The following DGKI variants were observed in gnomAD, a reference collection of about 807,000 sequenced individuals.
DGKI encodes diacylglycerol kinase iota, also known as DAG kinase iota.
In DGKI, 55 loss-of-function variants were observed where a neutral mutation model predicts 147.5. The observed-to-expected ratio is 0.37, with a 90% CI of 0.30 to 0.47. The LOEUF (loss-of-function observed/expected upper bound fraction) is 0.47, where lower values mean the gene tolerates loss of function less well. Ranked by LOEUF, DGKI falls within the 20% of genes least tolerant of loss-of-function variation. The probability of loss-of-function intolerance (pLI) is 1.00; values close to 1 mark genes in which losing one functional copy is unlikely to be tolerated. For missense variants in DGKI, 1,007 were observed against 1,323.8 expected, an observed-to-expected ratio of 0.76 and a Z score of 3.71; for synonymous variants, 469 against 477.1, an observed-to-expected ratio of 0.98 and a Z score of 0.22.
At chr7:137,844,991 A>C (rs1798667074) in intron 1 of DGKI, among the ~76,000 whole-genome samples, 1 of 152,216 alleles carries the variant, frequency 6.6e-6, no homozygotes, top group South Asian at 2.1e-4. Context: ...TAGAACTGCC[A>C]GTGTCCTAGC....
At chr7:137,475,126 A>G (rs1006680461) in intron 23 of DGKI, among the ~76,000 whole-genome samples, 1 of 152,188 alleles carries the variant, frequency 6.6e-6, no homozygotes, top group Non-Finnish European at 1.5e-5. Flanking sequence ...CACAGGCCAC[A>G]TTTCAGACCA....
At position 137,412,092 on chromosome 7, in the gene DGKI, C is replaced by T. The variant is rs1276551841; in HGVS notation, c.2799+78G>A. 3.0e-6 allele frequency: 4 copies of T among 1,333,214 alleles called. No homozygotes were observed. The African/African-American group carries it at 5.8e-5, about 19-fold the overall frequency. The allele number at this position is 1,333,214 out of a possible 1,614,324, so 82.6% of individuals were successfully genotyped here. ...GGGGATGATAAATGATAGATGGGAACATAGAGTTTTGATGAGGAATGATGT... is the reference window on the plus strand; with the variant it reads ...GGGGATGATAAATGATAGATGGGAATATAGAGTTTTGATGAGGAATGATGT... On this transcript the variant is annotated intron_variant, in intron 29 of 32. Coordinates refer to ENST00000614521, the MANE Select transcript of DGKI (RefSeq NM_001321708.2).
At chr7:137,637,564 A>C (rs1039838911) in intron 6 of DGKI, among the ~76,000 whole-genome samples, 1 of 152,262 alleles carries the variant, frequency 6.6e-6, no homozygotes, top group African/African-American at 2.4e-5. Flanking sequence ...ACTTGAAGGT[A>C]CTTTTAGACT....
intron 28 of DGKI, among the ~76,000 whole-genome samples, chr7:137,418,149 CCAT>C (rs1812428030): frequency 6.6e-6 from 1 of 152,138 alleles, no homozygotes; most frequent in African/African-American, 2.4e-5. Flanking sequence ...AAGGGATATG[CCAT>C]AATTGAGTCT....
intron 19 of DGKI, among the ~76,000 whole-genome samples, chr7:137,554,067 G>A (rs1525047): frequency 0.11 from 16,635 of 152,112 alleles, 2,055 homozygotes; most frequent in African/African-American, 0.3. Flanking sequence ...AATATTACAA[G>A]CAGGTAGAGT....
At chr7:137,569,972 C>T (rs1818739721) in intron 19 of DGKI, among the ~76,000 whole-genome samples, 1 of 151,936 alleles carries the variant, frequency 6.6e-6, no homozygotes, top group Admixed American at 6.6e-5. Flanking sequence ...AGGGCCATCA[C>T]AAAATCAGGT....
At chr7:137,778,249 G>A (rs1796417020) in intron 1 of DGKI, among the ~76,000 whole-genome samples, 1 of 152,138 alleles carries the variant, frequency 6.6e-6, no homozygotes, top group African/African-American at 2.4e-5. Flanking sequence ...ATTTTAGTCA[G>A]GATCATGATA....
chr7:137,705,764 A>G (rs991523669), intron 1 of DGKI, among the ~76,000 whole-genome samples: 8 of 152,234 alleles, frequency 5.3e-5, no homozygotes, highest in Non-Finnish European at 1.2e-4. Context: ...ATATTTATTG[A>G]AATGATAGCT....
At chr7:137,720,690 A>G (rs1285610032) in intron 1 of DGKI, among the ~76,000 whole-genome samples, 1 of 152,104 alleles carries the variant, frequency 6.6e-6, no homozygotes, top group Non-Finnish European at 1.5e-5. Flanking sequence ...TATGGCTTAA[A>G]TTTTTATTGT....
At chr7:137,437,859 T>C (rs1037720473) in intron 28 of DGKI, among the ~76,000 whole-genome samples, 3 of 151,938 alleles carry the variant, frequency 2.0e-5, no homozygotes, top group African/African-American at 7.2e-5. Context: ...GTGAAGAAAA[T>C]GAATGAAAAT....
At chr7:137,498,353 A>G (rs1816047623) in intron 21 of DGKI, among the ~76,000 whole-genome samples, 1 of 151,924 alleles carries the variant, frequency 6.6e-6, no homozygotes, top group African/African-American at 2.4e-5. Flanking sequence ...TACGAGTCTC[A>G]AAAAACAAAA....
chr7:137,483,409 G>A (rs79054069), intron 23 of DGKI, among the ~76,000 whole-genome samples: 2,063 of 152,140 alleles, frequency 0.014, 27 homozygotes, highest in South Asian at 0.034. Flanking sequence ...TTAGAGATCA[G>A]CTCTTACCTT....
At chr7:137,784,712 C>T (rs1421269948) in intron 1 of DGKI, among the ~76,000 whole-genome samples, 2 of 151,966 alleles carry the variant, frequency 1.3e-5, no homozygotes, top group African/African-American at 2.4e-5. Flanking sequence ...CAAGATAGAC[C>T]ATATGATAGG....
intron 12 of DGKI, among the ~76,000 whole-genome samples, chr7:137,592,547 A>G (rs1184557868): frequency 1.3e-5 from 2 of 152,220 alleles, no homozygotes; most frequent in Non-Finnish European, 2.9e-5. Flanking sequence ...GTATACTAAC[A>G]TAAGGGGTGG....
chr7:137,571,328 C>A (rs996641279), intron 18 of DGKI, 42 bp from the exon 19 acceptor site: 1 of 1,369,226 alleles, frequency 7.3e-7, no homozygotes, highest in Non-Finnish European at 1.0e-6. Flanking sequence ...ATGTCCCATC[C>A]TTCTCATGAC....
intron 15 of DGKI, among the ~76,000 whole-genome samples, chr7:137,580,864 C>A (rs1360525526): frequency 6.6e-6 from 1 of 151,998 alleles, no homozygotes; most frequent in East Asian, 1.9e-4. Context: ...TCTTACATAA[C>A]CTGGAGGGAA....
chr7:137,497,626 A>G (rs1252663308), intron 21 of DGKI, among the ~76,000 whole-genome samples: 2 of 152,112 alleles, frequency 1.3e-5, no homozygotes, highest in African/African-American at 4.8e-5. Context: ...AAAAAATGCG[A>G]TCATGTCCTT....
rs151042929 is a variant in DGKI, at chr7:137,432,910, A to G, written c.2761+11167T>C. 2.5e-3 allele frequency among the ~76,000 whole-genome samples: 378 copies of G among 152,322 alleles called. 4 individuals carry two copies. The highest frequency in any genetic ancestry group is 8.7e-3 in the African/African-American group (360 of 41,578). On this transcript the variant is annotated intron_variant, in intron 28 of 32. Transcript: ENST00000614521. ...TTGTGGCTCTGATGAGGGAAGTTGT[A>G]GAAAATCAAGTTGCTCTGCTGGGTG...
At chr7:137,818,996 A>G (rs898693636) in intron 1 of DGKI, among the ~76,000 whole-genome samples, 4 of 152,176 alleles carry the variant, frequency 2.6e-5, no homozygotes, top group African/African-American at 9.7e-5. Context: ...AAGCCCTCCC[A>G]ACTGCACAGA....
Sources: allele counts gnomAD v4.1 joint callset (sites outside exome capture counted in the v4.1 genomes callset), GRCh38; gene constraint gnomAD v4.1.1; transcripts MANE v1.5; gene names NCBI Gene and HGNC (gene_info 2026-07-23, HGNC 2026-07-21).